The following SNAP91 variants were observed in gnomAD, a reference collection of about 807,000 sequenced individuals.
The protein encoded by SNAP91 is clathrin coat assembly protein AP180.
Under a neutral mutation model 100.3 loss-of-function variants are expected in SNAP91, and 27 were observed. The observed-to-expected ratio is 0.27, with a 90% CI of 0.20 to 0.37. The LOEUF (loss-of-function observed/expected upper bound fraction) is 0.37. Ranked by LOEUF, SNAP91 falls within the 10% of genes least tolerant of loss-of-function variation. The pLI, the probability that SNAP91 is intolerant of heterozygous loss-of-function variation, is 1.00. For synonymous variants in SNAP91, 404 were observed against 398.6 expected, an observed-to-expected ratio of 1.01 and a Z score of -0.16; for missense variants, 986 against 1,123.7, an observed-to-expected ratio of 0.88 and a Z score of 1.75.
intron 2 of SNAP91, among the ~76,000 whole-genome samples, chr6:83,681,701 A>G (rs538827936): frequency 1.8e-4 from 27 of 152,200 alleles, no homozygotes; most frequent in Non-Finnish European, 2.6e-4. Flanking sequence ...GCAGTGCTCT[A>G]TGAGAGCAAG....
rs1334822266 is a variant in SNAP91, at chr6:83,593,010, G to A, written c.1782C>T (p.Phe594=). ...PSIDLFSTDA[F]SSPPQGASPV... is the part of the protein sequence containing the mutation. ...GAGAGGCCCCTTGTGGTGGAGAGGA[G>A]AAAGCATCTTCCAAAAGTGAAACAA... is the stretch of plus-strand genomic sequence containing the variant. Residue 594 remains phenylalanine (F), a synonymous_variant, in exon 20 of 30, where the codon TTC becomes TTT. Transcript: ENST00000369694. 1 of 1,580,054 alleles carries A rather than the reference G, an allele frequency of 6.3e-7. No individual in the cohort carries two copies. The highest frequency in any genetic ancestry group is 8.6e-7 in the Non-Finnish European group (1 of 1,162,460).
intron 5 of SNAP91, among the ~76,000 whole-genome samples, chr6:83,660,266 G>C (rs1294342612): frequency 6.6e-6 from 1 of 152,194 alleles, no homozygotes; most frequent in Non-Finnish European, 1.5e-5. Context: ...GAAGGCATAT[G>C]AACTAGAATC....
intron 11 of SNAP91, among the ~76,000 whole-genome samples, chr6:83,613,416 T>G (rs1050719651): frequency 1.3e-5 from 2 of 152,230 alleles, no homozygotes; most frequent in African/African-American, 4.8e-5. Flanking sequence ...AAAGTTATTT[T>G]CTGTGAAACA....
intron 22 of SNAP91, among the ~76,000 whole-genome samples, chr6:83,583,821 C>A (rs1329932627): frequency 6.6e-6 from 1 of 152,138 alleles, no homozygotes; most frequent in East Asian, 1.9e-4. Context: ...TTTTCTAAAG[C>A]AGGTGGCAAT....
chr6:83,610,957 A>C (rs1583632654), intron 11 of SNAP91, among the ~76,000 whole-genome samples: 1 of 151,794 alleles, frequency 6.6e-6, no homozygotes, highest in South Asian at 2.1e-4. Flanking sequence ...ATTATTTTCC[A>C]TATCTCTCGC....
At chr6:83,681,232 G>A (rs947597750) in intron 2 of SNAP91, among the ~76,000 whole-genome samples, 4 of 152,072 alleles carry the variant, frequency 2.6e-5, no homozygotes, top group Non-Finnish European at 4.4e-5. Context: ...AGCAATTGTA[G>A]GTTCCCACAA....
intron 26 of SNAP91, among the ~76,000 whole-genome samples, chr6:83,567,219 G>A (rs1231609331): frequency 6.6e-6 from 1 of 152,038 alleles, no homozygotes; most frequent in Non-Finnish European, 1.5e-5. Context: ...GTGAGTTATC[G>A]CATCCAGCTC....
rs1293581252 is a variant in SNAP91, at chr6:83,553,837, T to C, written c.*459A>G. On this transcript the variant is annotated 3_prime_UTR_variant, in exon 30 of 30. Transcript: ENST00000369694. ...GTATATTTATGAGTGTTTTCCTTAT[T>C]ATCTGGTATTATCACACTACGCTTG... is the stretch of plus-strand genomic sequence containing the variant. 6.6e-6 allele frequency: 1 copy of C among 152,190 alleles called. No individual in the cohort carries two copies. The highest frequency in any genetic ancestry group is 6.6e-5 in the Admixed American group (1 of 15,266). 9.4% of individuals were successfully genotyped at this position (152,190 alleles called of 1,614,324 possible).
chr6:83,693,733 G>A (rs550147924), intron 2 of SNAP91, among the ~76,000 whole-genome samples: 87 of 152,220 alleles, frequency 5.7e-4, no homozygotes, highest in African/African-American at 2.1e-3. Flanking sequence ...CTTCTCCCTA[G>A]GGCATAACAA....
chr6:83,580,711 T>C, intron 23 of SNAP91, 112 bp from the exon 24 acceptor site: 1 of 1,056,840 alleles, frequency 9.5e-7, no homozygotes, highest in East Asian at 2.7e-5. Context: ...TATAAAATCT[T>C]ATAAAAGAAG....
intron 8 of SNAP91, among the ~76,000 whole-genome samples, chr6:83,627,491 T>A (rs1254602587): frequency 6.6e-6 from 1 of 152,048 alleles, no homozygotes; most frequent in East Asian, 1.9e-4. Context: ...AGGCTTTTAT[T>A]TCTTAGTAGG....
chr6:83,641,359 G>C (rs2097693435), intron 7 of SNAP91, among the ~76,000 whole-genome samples, 157 bp from the exon 8 acceptor site: 1 of 151,994 alleles, frequency 6.6e-6, no homozygotes, highest in Non-Finnish European at 1.5e-5. Flanking sequence ...TAAACAAAGG[G>C]AACCTGAATA....
rs553008102 is a variant in SNAP91 at position 83,594,065 on chromosome 6, T to C, written c.1432+309A>G. 1.8e-4 allele frequency among the ~76,000 whole-genome samples: 27 copies of C among 152,260 alleles called. 1 individual carries two copies. In the South Asian group the frequency reaches 5.4e-3, roughly 30 times the overall value. On this transcript the variant is annotated intron_variant, in intron 17 of 29. Coordinates refer to ENST00000369694, the MANE Select transcript of SNAP91 (RefSeq NM_001242792.2). ...TGGTCAATCTGGTAGCTTTGAAAAT[T>C]CATTAAAACATGCCAATATATTTGA...
chr6:83,593,699 T>C lies in SNAP91; in HGVS notation c.1475A>G (p.Glu492Gly). The change falls in exon 18 of 30, where the codon GAG (glutamate) becomes GGG (glycine). Residue 492 changes from glutamate to glycine, a missense_variant. This residue lies in a region of SNAP91 where 575 missense variants were observed against 579.9 expected (regional missense o/e 0.99). Coordinates refer to ENST00000369694, the MANE Select transcript of SNAP91 (RefSeq NM_001242792.2). ...TGGCTTCATTGCAAAGAGGTCCAGC[T>C]CAGGTGCAGCCTCTGCACTACCTTC... is the stretch of plus-strand genomic sequence containing the variant. ...PSEGSAEAAP[E>G]LDLFAMKPPE... 1 of 1,607,260 alleles carries C rather than the reference T, an allele frequency of 6.2e-7. No individual in the cohort carries two copies. Among genetic ancestry groups the C allele is most frequent in the Non-Finnish European group, 8.5e-7 (1 of 1,174,876 alleles).
At chr6:83,568,239 A>G (rs1303795155) in intron 26 of SNAP91, among the ~76,000 whole-genome samples, 2 of 152,106 alleles carry the variant, frequency 1.3e-5, no homozygotes, top group African/African-American at 4.8e-5. Context: ...GCAAACTGTC[A>G]CAAGGACAAA....
At chr6:83,555,847 T>C (rs1562066133) in intron 29 of SNAP91, among the ~76,000 whole-genome samples, 1 of 152,168 alleles carries the variant, frequency 6.6e-6, no homozygotes, top group Non-Finnish European at 1.5e-5. Context: ...TGTAATAAAG[T>C]GGTAATTTTC....
intron 8 of SNAP91, among the ~76,000 whole-genome samples, chr6:83,637,812 G>A (rs1256104512): frequency 2.0e-5 from 3 of 152,230 alleles, no homozygotes; most frequent in Non-Finnish European, 2.9e-5. Context: ...CTCCACTTGA[G>A]CTCAGGCCAT....
rs760416976 is a variant in SNAP91, at chr6:83,591,218, T to C, written c.2007A>G (p.Leu669=). The change falls in exon 22 of 30, where the codon CTA becomes CTG. Residue 669 remains leucine (L), a synonymous_variant. Transcript: ENST00000369694. ...AASSSSASAD[L]LAGFGGSFMA... ...CCATTTTAATTTAATTACCAGCTAG[T>C]AGGTCTGCCGATGCTGATGAACTAG... The C allele has an allele frequency of 5.6e-6, 9 of 1,603,376 alleles. No individual in the cohort carries two copies. In the South Asian group the frequency reaches 7.7e-5, roughly 14 times the overall value.
chr6:83,708,886 C>T lies in SNAP91; in HGVS notation c.-72G>A, dbSNP rs2099416743. Reference sequence around the variant, plus strand: ...GCCGCCCGCCGCAGGATGAGCGGAGCCCGGGCCGCCGAGGGAAGCCGCGCC... The same window carrying T: ...GCCGCCCGCCGCAGGATGAGCGGAGTCCGGGCCGCCGAGGGAAGCCGCGCC... On this transcript the variant is annotated 5_prime_UTR_variant, in exon 1 of 30. Coordinates refer to ENST00000369694, the MANE Select transcript of SNAP91 (RefSeq NM_001242792.2). 6.6e-6 allele frequency: 1 copy of T among 152,070 alleles called. No homozygotes were observed. The highest frequency in any genetic ancestry group is 1.5e-5 in the Non-Finnish European group (1 of 68,038). The allele number at this position is 152,070 out of a possible 1,614,324, so 9.4% of individuals were successfully genotyped here. A position where few individuals can be genotyped will look rare whatever the true frequency, so the allele number is the denominator to read the frequency against.
Sources: allele counts gnomAD v4.1 joint callset (sites outside exome capture counted in the v4.1 genomes callset), GRCh38; gene constraint gnomAD v4.1.1; regional missense constraint gnomAD v4.1.1; transcripts MANE v1.5; gene names NCBI Gene and HGNC (gene_info 2026-07-23, HGNC 2026-07-21).